Variants in SAMSN1 observed in about 807,000 individuals in gnomAD.
SAMSN1 encodes the protein SAM domain, SH3 domain and nuclear localization signals 1, also known as SAM domain-containing protein SAMSN-1.
SAMSN1 carries 31 observed loss-of-function variants against 42.0 expected under a neutral mutation model. The ratio of observed to expected loss-of-function variants is 0.74; its 90% confidence interval spans 0.55 to 1.00. The LOEUF (loss-of-function observed/expected upper bound fraction) is 1.00. Among genes scored for constraint, SAMSN1 ranks in the 50% least tolerant of loss-of-function variants. The pLI, the probability that SAMSN1 is intolerant of heterozygous loss-of-function variation, is 0.00. For synonymous variants in SAMSN1, 178 were observed against 151.9 expected (o/e 1.17, Z -1.26); for missense variants, 464 against 439.4 (o/e 1.06, Z -0.50).
upstream of SAMSN1, chr21:14,546,451 T>C (rs1021122687): frequency 6.8e-5 from 58 of 849,844 alleles, 5 homozygotes; most frequent in Admixed American, 7.7e-4. Flanking sequence ...AGTAATTCTT[T>C]GGTAACTCTT....
chr21:14,648,663 G>GAA (rs1219855423), intron 1 of SAMSN1, among the ~76,000 whole-genome samples: 4 of 150,318 alleles, frequency 2.7e-5, no homozygotes, highest in East Asian at 3.9e-4. Flanking sequence ...AAAAACACAT[G>GAA]AAAAAATGCT....
rs374254977 is a variant in SAMSN1 at position 14,633,441 on chromosome 21, T to C, written c.156+9561A>G. Reference sequence around the variant, plus strand: ...TTAAAAAACATCTGGTCTAACTCTGTTAGTTTATAGAGGTAAAAACTGGGT... The same window carrying C: ...TTAAAAAACATCTGGTCTAACTCTGCTAGTTTATAGAGGTAAAAACTGGGT... On this transcript the variant is annotated intron_variant, in intron 2 of 15. Transcript: ENST00000647101. Among the ~76,000 whole-genome samples the C allele has an allele frequency of 5.3e-5, 8 of 152,198 alleles. No homozygotes were observed. The East Asian group carries it at 5.8e-4, about 11-fold the overall frequency.
At chr21:14,658,930 T>C, upstream of SAMSN1, 2 of 603,634 alleles carry the variant, frequency 3.3e-6, no homozygotes, top group Non-Finnish European at 6.0e-6. Flanking sequence ...CATTATCAAA[T>C]AATATAGGCT....
Position 14,485,897 on chromosome 21 carries a change from G to T in SAMSN1, c.*15C>A. On this transcript the variant is annotated 3_prime_UTR_variant, in exon 8 of 8. Transcript: ENST00000400566. ...AATGGAATGCATCTGTAGATATATA[G>T]TTGGGAATGCGTGTTCAGTCACTTG... 1 of 1,602,994 alleles carries T rather than the reference G, an allele frequency of 6.2e-7. No homozygotes were observed.
chr21:14,627,466 C>T (rs1341247683), intron 2 of SAMSN1, among the ~76,000 whole-genome samples: 1 of 152,302 alleles, frequency 6.6e-6, no homozygotes, highest in South Asian at 2.1e-4. Context: ...ACTCTCCATC[C>T]TTGCCTCAAT....
chr21:14,527,610 A>G (rs868585251), intron 1 of SAMSN1, among the ~76,000 whole-genome samples: 1 of 152,190 alleles, frequency 6.6e-6, no homozygotes, highest in Non-Finnish European at 1.5e-5. Context: ...TAGCTTCAAG[A>G]AGTGCAGATT....
chr21:14,626,942 C>T (rs1239738930), intron 2 of SAMSN1, among the ~76,000 whole-genome samples: 1 of 152,100 alleles, frequency 6.6e-6, no homozygotes, highest in Admixed American at 6.6e-5. Flanking sequence ...GAATACTATG[C>T]AGCCATAAAA....
At chr21:14,618,020 G>T (rs1200400595) in intron 2 of SAMSN1, among the ~76,000 whole-genome samples, 1 of 152,188 alleles carries the variant, frequency 6.6e-6, no homozygotes, top group African/African-American at 2.4e-5. Context: ...GAAGTTTGGA[G>T]ACATCTGGAC....
intron 1 of SAMSN1, among the ~76,000 whole-genome samples, chr21:14,652,262 G>C (rs1276060740): frequency 6.6e-6 from 1 of 151,930 alleles, no homozygotes; most frequent in African/African-American, 2.4e-5. Flanking sequence ...AACAAAACTG[G>C]AGAAATCACA....
In SAMSN1 at chr21:14,498,546, T is replaced by A; in HGVS notation, c.815A>T (p.Asp272Val). ...LLLNGYETLE[D>V]LKDIKESHLI... is the part of the protein sequence containing the mutation. ...GTGACTCTCTTTTATATCTTTTAAATCTTCTAGAGTCTCATAACCATTGAG... is the reference window on the plus strand; with the variant it reads ...GTGACTCTCTTTTATATCTTTTAAAACTTCTAGAGTCTCATAACCATTGAG... Residue 272 changes from aspartate to valine, a missense_variant, in exon 7 of 8, where the codon GAT becomes GTT. By Grantham distance (152) the Asp-to-Val change is radical. Coordinates refer to ENST00000400566, the MANE Select transcript of SAMSN1 (RefSeq NM_022136.5). The A allele has an allele frequency of 6.2e-7, 1 of 1,609,842 alleles. No homozygotes were observed.
chr21:14,494,758 G>A (rs564631543), intron 7 of SAMSN1, among the ~76,000 whole-genome samples: 3 of 151,854 alleles, frequency 2.0e-5, no homozygotes, highest in Non-Finnish European at 4.4e-5. Flanking sequence ...GTCAAAGTGG[G>A]TACAATGCTA....
intron 1 of SAMSN1, among the ~76,000 whole-genome samples, chr21:14,654,860 AAGAAAGAG>A (rs1231565826): frequency 1.3e-5 from 2 of 151,854 alleles, no homozygotes; most frequent in East Asian, 1.9e-4. Flanking sequence ...GAAAGAAAGA[AAGAAAGAG>A]AGAAAGAGAG....
chr21:14,488,398 A>G (rs1986535085), intron 7 of SAMSN1, among the ~76,000 whole-genome samples: 2 of 152,188 alleles, frequency 1.3e-5, no homozygotes, highest in African/African-American at 4.8e-5. Context: ...TTGATTACCA[A>G]TTGTGGGGCT....
chr21:14,588,469 G>A (rs916780060), intron 7 of SAMSN1, among the ~76,000 whole-genome samples: 30 of 150,170 alleles, frequency 2.0e-4, no homozygotes, highest in African/African-American at 6.1e-4. Context: ...TCTCATTGTG[G>A]TTTTGATTTG....
chr21:14,583,603 A>T (rs754771963), upstream of SAMSN1: 2 of 707,348 alleles, frequency 2.8e-6, no homozygotes, highest in East Asian at 2.7e-5. Context: ...ATGCTTCCTT[A>T]GTTCTCCCTC....
At chr21:14,487,097 T>G (rs1986468043) in intron 7 of SAMSN1, among the ~76,000 whole-genome samples, 1 of 152,094 alleles carries the variant, frequency 6.6e-6, no homozygotes, top group Non-Finnish European at 1.5e-5. Flanking sequence ...CTCTTTCCCC[T>G]TCTAACCTTG....
chr21:14,546,483 G>A (rs752894290), upstream of SAMSN1: 1 of 568,262 alleles, frequency 1.8e-6, no homozygotes, highest in Non-Finnish European at 2.7e-6. Flanking sequence ...TATTTTCTAT[G>A]AGGTATGTTC....
At chr21:14,582,126 G>T in intron 2 of SAMSN1, 1 of 1,534,718 alleles carries the variant, frequency 6.5e-7, no homozygotes, top group Non-Finnish European at 8.8e-7. Context: ...TCCGTAGTCT[G>T]CAAACTTACC....
intron 5 of SAMSN1, among the ~76,000 whole-genome samples, chr21:14,606,998 G>T (rs902707863): frequency 2.0e-5 from 3 of 152,150 alleles, no homozygotes; most frequent in Non-Finnish European, 2.9e-5. Flanking sequence ...ATATCATTTT[G>T]AAATTGAAAT....
Sources: gnomAD v4.1 joint callset for allele counts (sites outside exome capture counted in the v4.1 genomes callset) on GRCh38, gnomAD v4.1.1 for gene constraint, MANE v1.5 for transcripts, NCBI Gene and HGNC (gene_info 2026-07-23, HGNC 2026-07-21) for gene names.